The following ARFGEF3 variants were observed in gnomAD, a reference collection of about 807,000 sequenced individuals.
The protein encoded by ARFGEF3 is ARFGEF family member 3, also known as brefeldin A-inhibited guanine nucleotide-exchange protein 3.
Under a neutral mutation model 221.7 loss-of-function variants are expected in ARFGEF3, and 96 were observed. The ratio of observed to expected loss-of-function variants is 0.43; its 90% CI spans 0.37 to 0.51. The LOEUF (loss-of-function observed/expected upper bound fraction) is 0.51, where lower values mean the gene tolerates loss of function less well. Ranked by LOEUF, ARFGEF3 falls within the 20% of genes least tolerant of loss-of-function variation. The pLI, the probability that ARFGEF3 is intolerant of heterozygous loss-of-function variation, is 0.00. For missense variants in ARFGEF3, 2,410 were observed against 2,789.9 expected, an observed-to-expected ratio of 0.86 and a Z score of 3.07; for synonymous variants, 1,145 against 1,126.8, an observed-to-expected ratio of 1.02 and a Z score of -0.32.
chr6:138,261,097 T>C (rs79844259), intron 10 of ARFGEF3, among the ~76,000 whole-genome samples: 5,637 of 152,222 alleles, frequency 0.037, 150 homozygotes, highest in Non-Finnish European at 0.059. Flanking sequence ...ATTCCAATCT[T>C]CCATGAACTT....
intron 12 of ARFGEF3, among the ~76,000 whole-genome samples, chr6:138,264,135 T>C (rs1471595397): frequency 1.3e-5 from 2 of 152,132 alleles, no homozygotes; most frequent in Non-Finnish European, 2.9e-5. Flanking sequence ...CCATCTCAGA[T>C]CCTTCCATCT....
At chr6:138,283,155 C>A (rs1779227954) in intron 14 of ARFGEF3, among the ~76,000 whole-genome samples, 1 of 152,178 alleles carries the variant, frequency 6.6e-6, no homozygotes, top group African/African-American at 2.4e-5. Flanking sequence ...TCACAAACTC[C>A]TTTCAGTAGG....
chr6:138,182,142 G>C (rs1221067155), intron 2 of ARFGEF3, among the ~76,000 whole-genome samples: 1 of 152,150 alleles, frequency 6.6e-6, no homozygotes, highest in African/African-American at 2.4e-5. Flanking sequence ...GAGGTTGGAG[G>C]GGCTATGTAG....
At chr6:138,282,260 A>C (rs1779209532) in intron 14 of ARFGEF3, among the ~76,000 whole-genome samples, 1 of 151,984 alleles carries the variant, frequency 6.6e-6, no homozygotes, top group African/African-American at 2.4e-5. Context: ...CACCCTCCCC[A>C]GACTGGTTTC....
chr6:138,290,695 C>T (rs1306670859), intron 18 of ARFGEF3, among the ~76,000 whole-genome samples: 3 of 152,194 alleles, frequency 2.0e-5, no homozygotes, highest in East Asian at 1.9e-4. Context: ...GGGCTGGCCA[C>T]ACTGTTCCTT....
chr6:138,328,569 C>T (rs6916593), intron 32 of ARFGEF3, among the ~76,000 whole-genome samples: 22,807 of 152,124 alleles, frequency 0.15, 2,966 homozygotes, highest in African/African-American at 0.36. Context: ...CTAACCCTCA[C>T]GACCTCATTT....
chr6:138,178,792 C>A (rs530573812), intron 2 of ARFGEF3, among the ~76,000 whole-genome samples: 1 of 152,282 alleles, frequency 6.6e-6, no homozygotes, highest in South Asian at 2.1e-4. Context: ...AAAATGGAAT[C>A]TCAGCTTTGG....
chr6:138,204,363 A>AT (rs1478449458), intron 2 of ARFGEF3, among the ~76,000 whole-genome samples: 1 of 147,422 alleles, frequency 6.8e-6, no homozygotes, highest in Non-Finnish European at 1.5e-5. Context: ...AAAAAAAAAA[A>AT]AGATTTGATT....
At chr6:138,257,361 A>G (rs960515236) in intron 10 of ARFGEF3, among the ~76,000 whole-genome samples, 2 of 152,202 alleles carry the variant, frequency 1.3e-5, no homozygotes, top group Non-Finnish European at 1.5e-5. Flanking sequence ...CTAGTGAGGC[A>G]TGCTCAGCTC....
chr6:138,218,187 TC>T, intron 4 of ARFGEF3: 1 of 1,613,986 alleles, frequency 6.2e-7, no homozygotes, highest in Non-Finnish European at 8.5e-7. Flanking sequence ...TATGGAATAA[TC>T]AATGAACTCT....
intron 2 of ARFGEF3, among the ~76,000 whole-genome samples, chr6:138,205,407 G>A (rs1425758776): frequency 6.6e-6 from 1 of 152,138 alleles, no homozygotes; most frequent in Non-Finnish European, 1.5e-5. Context: ...AAATTTGATT[G>A]TTTCAGGGGT....
In ARFGEF3 at chr6:138,342,234, A is replaced by C. The variant is rs1252103367; in HGVS notation, c.*5748A>C. ...CATGGTCAGAGTTCCCAGTTAAGTA[A>C]ATCAGGAAATTTGTATTTCTAACAA... On this transcript the variant is annotated 3_prime_UTR_variant, in exon 34 of 34. Coordinates refer to ENST00000251691, the MANE Select transcript of ARFGEF3 (RefSeq NM_020340.5). The C allele has an allele frequency of 2.0e-5, 3 of 152,156 alleles. No homozygotes were observed. Among genetic ancestry groups the C allele is most frequent in the Non-Finnish European group, 4.4e-5 (3 of 68,018 alleles). 9.4% of individuals were successfully genotyped at this position (152,156 alleles called of 1,614,324 possible). A position where few individuals can be genotyped will look rare whatever the true frequency, so the allele number is the denominator to read the frequency against.
In ARFGEF3 at chr6:138,336,767, A is replaced by C. The variant is rs749966635; in HGVS notation, c.*281A>C. On this transcript the variant is annotated 3_prime_UTR_variant, in exon 34 of 34. Coordinates refer to ENST00000251691, the MANE Select transcript of ARFGEF3 (RefSeq NM_020340.5). ...TTCTAACTCTTGAAGTATATTTCCC[A>C]GTGCTTTTGCTTACAGTGTTGTCCC... The C allele has an allele frequency of 5.2e-5, 12 of 231,288 alleles. No individual in the cohort carries two copies. The highest frequency in any genetic ancestry group is 9.1e-5 in the Non-Finnish European group (11 of 120,542). 14.3% of individuals were successfully genotyped at this position (231,288 alleles called of 1,614,324 possible). A position where few individuals can be genotyped will look rare whatever the true frequency, so the allele number is the denominator to read the frequency against.
intron 17 of ARFGEF3, among the ~76,000 whole-genome samples, chr6:138,289,315 G>A (rs993659450): frequency 6.6e-6 from 1 of 152,156 alleles, no homozygotes; most frequent in African/African-American, 2.4e-5. Context: ...AAATGAAATT[G>A]GTCATTTTCA....
intron 10 of ARFGEF3, among the ~76,000 whole-genome samples, chr6:138,258,792 A>G (rs529535405): frequency 6.6e-6 from 1 of 152,340 alleles, no homozygotes; most frequent in African/African-American, 2.4e-5. Context: ...CAAAGAGGCT[A>G]TTTTATAAGC....
chr6:138,248,672 A>G (rs937141201), intron 8 of ARFGEF3, among the ~76,000 whole-genome samples: 4 of 152,008 alleles, frequency 2.6e-5, no homozygotes, highest in Non-Finnish European at 5.9e-5. Context: ...TAAAAATACA[A>G]AAAATTAACC....
At position 138,313,870 on chromosome 6, in the gene ARFGEF3, C is replaced by T. The variant is rs372233023; in HGVS notation, c.4276C>T (p.Leu1426Phe). The stretch of plus-strand genomic sequence containing the variant: ...GAGACTTGCCGGCTTGCCTCGAAGA[C>T]TTCAGGAACAGTCAGCCAGCAGTGA... ...SGRLAGLPRR[L>F]QEQSASSEDG... Residue 1426 changes from leucine to phenylalanine, a missense_variant, in exon 26 of 34, where the codon CTT (leucine) becomes TTT (phenylalanine). Leu to Phe is a conservative substitution (Grantham distance 22). Coordinates refer to ENST00000251691, the MANE Select transcript of ARFGEF3 (RefSeq NM_020340.5). The T allele has an allele frequency of 1.5e-5, 25 of 1,613,826 alleles. No homozygotes were observed. Among genetic ancestry groups the T allele is most frequent in the Non-Finnish European group, 2.1e-5 (25 of 1,179,880 alleles).
intron 4 of ARFGEF3, among the ~76,000 whole-genome samples, chr6:138,221,158 G>A (rs1173272209): frequency 6.6e-6 from 1 of 152,140 alleles, no homozygotes; most frequent in Non-Finnish European, 1.5e-5. Context: ...TTTCTAGCAT[G>A]GCAGGTTATC....
Position 138,323,550 on chromosome 6 carries a change from G to A in ARFGEF3, c.4767-121G>A, listed in dbSNP as rs1007606902. Reference sequence around the variant, plus strand: ...TGCTTGAACCCGGGAGATGGAGGTTGCAGTGAGCCAAGATCATGCCAGTGC... The same window carrying A: ...TGCTTGAACCCGGGAGATGGAGGTTACAGTGAGCCAAGATCATGCCAGTGC... On this transcript the variant is annotated intron_variant, in intron 29 of 33. Transcript: ENST00000251691. 5 of 743,778 alleles carry A rather than the reference G, an allele frequency of 6.7e-6. No homozygotes were observed. In the African/African-American group the frequency reaches 7.1e-5, roughly 11 times the overall value. 46.1% of individuals were successfully genotyped at this position (743,778 alleles called of 1,614,324 possible). A position where few individuals can be genotyped will look rare whatever the true frequency, so the allele number is the denominator to read the frequency against.
Sources: allele counts gnomAD v4.1 joint callset (sites outside exome capture counted in the v4.1 genomes callset), GRCh38; gene constraint gnomAD v4.1.1; transcripts MANE v1.5; gene names NCBI Gene and HGNC (gene_info 2026-07-23, HGNC 2026-07-21).